Variants in AGMO observed in about 807,000 individuals in gnomAD.
AGMO encodes alkylglycerol monooxygenase.
A neutral mutation model predicts 60.2 loss-of-function variants in AGMO; 75 were observed. That is an observed-to-expected ratio of 1.25 (90% CI 1.03 to 1.51). The LOEUF (loss-of-function observed/expected upper bound fraction) is 1.51. Ranked by LOEUF, AGMO falls within the 40% of genes most tolerant of loss-of-function variation. The pLI is 0.00. For missense variants in AGMO, 763 were observed against 525.5 expected (o/e 1.45, Z -4.42); for synonymous variants, 261 against 177.1 (o/e 1.47, Z -3.76).
At chr7:15,261,108 G>A (rs926097393) in intron 12 of AGMO, among the ~76,000 whole-genome samples, 4 of 151,658 alleles carry the variant, frequency 2.6e-5, no homozygotes, top group African/African-American at 7.3e-5. Flanking sequence ...CTTATAAAAC[G>A]GGAGTAACGA....
chr7:15,391,931 A>C (rs1252431695), intron 6 of AGMO, among the ~76,000 whole-genome samples: 3 of 152,192 alleles, frequency 2.0e-5, no homozygotes, highest in African/African-American at 4.8e-5. Flanking sequence ...TATCTGTCCC[A>C]AAATGTCAAT....
At chr7:15,255,807 T>C (rs574450491) in intron 12 of AGMO, among the ~76,000 whole-genome samples, 5 of 152,222 alleles carry the variant, frequency 3.3e-5, no homozygotes, top group South Asian at 4.1e-4. Flanking sequence ...TTTAGGTAGG[T>C]AGGTACAGAA....
At chr7:15,406,986 G>GTGTGTATATATATGGAATATACATATATA (rs1448297132) in intron 5 of AGMO, among the ~76,000 whole-genome samples, 2 of 140,290 alleles carry the variant, frequency 1.4e-5, no homozygotes, top group Non-Finnish European at 3.1e-5. Context: ...GTACACATGT[G>GTGTGTATATATATGGAATATACATATATA]TGTGTATATA....
chr7:15,449,332 TTCTCTCTCTCTC>T (rs71004379), intron 3 of AGMO, among the ~76,000 whole-genome samples: 4 of 149,674 alleles, frequency 2.7e-5, no homozygotes, highest in South Asian at 2.1e-4. Context: ...GTGCTTCTCT[TTCTCTCTCTCTC>T]TCTCTCTCTC....
At chr7:15,558,967 T>C (rs888505469) in intron 2 of AGMO, among the ~76,000 whole-genome samples, 10 of 152,162 alleles carry the variant, frequency 6.6e-5, no homozygotes, top group African/African-American at 2.4e-4. Context: ...AATGAGAACA[T>C]TCATCAGCAG....
chr7:15,347,559 C>T (rs1040420566), intron 12 of AGMO, among the ~76,000 whole-genome samples: 2 of 151,852 alleles, frequency 1.3e-5, no homozygotes, highest in African/African-American at 4.8e-5. Flanking sequence ...TAAAACCTCG[C>T]CTAGAAGATA....
chr7:15,323,959 C>T (rs1359151717), intron 12 of AGMO, among the ~76,000 whole-genome samples: 8 of 152,132 alleles, frequency 5.3e-5, no homozygotes, highest in Admixed American at 3.9e-4. Context: ...TCAAGCTTGC[C>T]GCAGACATTT....
intron 3 of AGMO, among the ~76,000 whole-genome samples, chr7:15,511,093 C>A (rs965571069): frequency 6.6e-6 from 1 of 151,964 alleles, no homozygotes; most frequent in Non-Finnish European, 1.5e-5. Flanking sequence ...AAAGTAAGAT[C>A]GTGTTCACCC....
At position 15,431,175 on chromosome 7, in the gene AGMO, G is replaced by C. The variant is rs1017496254; in HGVS notation, c.410-67C>G. ...CAAAGCAACTTCCATTTTCAGTTATGCATGCTGCTCTGTTGAGTGAGGAAG... is the reference window on the plus strand; with the variant it reads ...CAAAGCAACTTCCATTTTCAGTTATCCATGCTGCTCTGTTGAGTGAGGAAG... On this transcript the variant is annotated intron_variant, in intron 3 of 12. Transcript: ENST00000342526. The C allele has an allele frequency of 2.0e-5, 22 of 1,102,060 alleles. No individual in the cohort carries two copies. The African/African-American group carries it at 2.6e-4, about 13-fold the overall frequency. 68.3% of individuals were successfully genotyped at this position (1,102,060 alleles called of 1,614,324 possible).
intron 12 of AGMO, among the ~76,000 whole-genome samples, chr7:15,290,095 T>C (rs1421646724): frequency 1.3e-5 from 2 of 151,290 alleles, no homozygotes; most frequent in African/African-American, 4.8e-5. Flanking sequence ...AGTGGCATGA[T>C]CTTGGCTCAC....
intron 2 of AGMO, among the ~76,000 whole-genome samples, chr7:15,547,465 G>T (rs556590875): frequency 2.0e-5 from 3 of 152,168 alleles, no homozygotes; most frequent in South Asian, 2.1e-4. Flanking sequence ...TGCGCGCACC[G>T]TGCGCGAGCC....
chr7:15,409,151 A>G (rs557712369), intron 5 of AGMO, among the ~76,000 whole-genome samples: 1 of 146,600 alleles, frequency 6.8e-6, no homozygotes, highest in South Asian at 2.1e-4. Flanking sequence ...GCAATAGAAC[A>G]TCACCGAAGT....
At chr7:15,409,118 G>A (rs539386791) in intron 5 of AGMO, among the ~76,000 whole-genome samples, 20 of 151,992 alleles carry the variant, frequency 1.3e-4, no homozygotes, top group South Asian at 2.1e-4. Context: ...TGAAATGAAA[G>A]GAATTTAGAC....
the AGMO span, among the ~76,000 whole-genome samples, chr7:15,159,441 G>A: frequency 1.3e-5 from 2 of 152,122 alleles, no homozygotes; most frequent in Admixed American, 1.3e-4. Flanking sequence ...CTCACTGCAT[G>A]CTCCTAGGGC....
intron 12 of AGMO, among the ~76,000 whole-genome samples, chr7:15,318,627 C>A (rs897332841): frequency 6.6e-6 from 1 of 151,980 alleles, no homozygotes; most frequent in Non-Finnish European, 1.5e-5. Context: ...ACTCTTCCAG[C>A]CTTAACAGAA....
the AGMO span, among the ~76,000 whole-genome samples, chr7:15,117,998 A>G: frequency 1.3e-5 from 2 of 152,054 alleles, no homozygotes; most frequent in African/African-American, 4.8e-5. Flanking sequence ...CATGAAATGA[A>G]TGCTTTTTAA....
chr7:15,451,708 A>C (rs1781860691), intron 3 of AGMO, among the ~76,000 whole-genome samples: 1 of 152,184 alleles, frequency 6.6e-6, no homozygotes, highest in Non-Finnish European at 1.5e-5. Flanking sequence ...GGCCGAATTA[A>C]ATTTAAAGGA....
At chr7:15,504,045 G>C (rs1273123351) in intron 3 of AGMO, among the ~76,000 whole-genome samples, 1 of 151,944 alleles carries the variant, frequency 6.6e-6, no homozygotes, top group Non-Finnish European at 1.5e-5. Flanking sequence ...TTATGTAAAA[G>C]CCCTCTAGTC....
chr7:15,420,612 G>A (rs545365195), intron 4 of AGMO, among the ~76,000 whole-genome samples: 2 of 152,186 alleles, frequency 1.3e-5, no homozygotes, highest in South Asian at 4.1e-4. Flanking sequence ...ATGTGGTCCA[G>A]GTAGGAGAAT....
Sources: gnomAD v4.1 joint callset for allele counts (sites outside exome capture counted in the v4.1 genomes callset) on GRCh38, gnomAD v4.1.1 for gene constraint, MANE v1.5 for transcripts, NCBI Gene and HGNC (gene_info 2026-07-23, HGNC 2026-07-21) for gene names.